The following FAF1 variants were observed in gnomAD, a reference collection of about 807,000 sequenced individuals.
FAF1 encodes the protein Fas associated factor 1.
FAF1 carries 25 observed loss-of-function variants against 92.5 expected under a neutral mutation model. The observed-to-expected ratio is 0.27, with a 90% CI of 0.20 to 0.38. The LOEUF (loss-of-function observed/expected upper bound fraction) is 0.38, where lower values mean the gene tolerates loss of function less well. FAF1 is among the 10% of genes least tolerant of loss of function. FAF1 has a pLI of 1.00. For missense variants in FAF1, 636 were observed against 793.3 expected, an observed-to-expected ratio of 0.80 and a Z score of 2.38; for synonymous variants, 234 against 273.2, an observed-to-expected ratio of 0.86 and a Z score of 1.42.
intron 2 of FAF1, among the ~76,000 whole-genome samples, chr1:50,826,317 G>A (rs1057335021): frequency 6.6e-6 from 1 of 152,016 alleles, no homozygotes; most frequent in Non-Finnish European, 1.5e-5. Flanking sequence ...TTTGGAGGCT[G>A]AAGCGGGTGG....
chr1:50,543,337 C>T (rs943929562), intron 13 of FAF1, among the ~76,000 whole-genome samples: 3 of 152,108 alleles, frequency 2.0e-5, no homozygotes, highest in Non-Finnish European at 4.4e-5. Context: ...GCCTACCTAC[C>T]GTATACCAGG....
At position 50,910,427 on chromosome 1, in the gene FAF1, G is replaced by A. The variant is rs529856339; in HGVS notation, c.45+49340C>T. On this transcript the variant is annotated intron_variant, in intron 1 of 18. Transcript: ENST00000396153. ...CTCTTCAAAGCTGTCAGACAGGGAA[G>A]TTTAAGTCTGCAGAAGTTTCTGATG... Among the ~76,000 whole-genome samples, 4 of 152,300 alleles carry A rather than the reference G, an allele frequency of 2.6e-5. No homozygotes were observed. The East Asian group carries it at 7.7e-4, about 29-fold the overall frequency.
intron 1 of FAF1, among the ~76,000 whole-genome samples, chr1:50,886,259 G>A (rs1030283429): frequency 7.9e-5 from 12 of 152,116 alleles, no homozygotes; most frequent in Non-Finnish European, 1.8e-4. Flanking sequence ...ACTTCTTGTA[G>A]GACAGGTCTG....
chr1:50,892,568 G>A (rs1644728652), intron 1 of FAF1, among the ~76,000 whole-genome samples: 1 of 152,204 alleles, frequency 6.6e-6, no homozygotes, highest in South Asian at 2.1e-4. Flanking sequence ...TGCCAGACAT[G>A]CTGGAGCTCC....
chr1:50,851,353 G>A (rs992003519), intron 2 of FAF1, among the ~76,000 whole-genome samples: 2 of 152,292 alleles, frequency 1.3e-5, no homozygotes, highest in East Asian at 1.9e-4. Flanking sequence ...GCCTATAGGC[G>A]TGAGCCACTG....
At chr1:50,759,200 G>T (rs141935515) in intron 4 of FAF1, among the ~76,000 whole-genome samples, 10,069 of 151,684 alleles carry the variant, frequency 0.066, 411 homozygotes, top group East Asian at 0.092. Flanking sequence ...TGCACAATGT[G>T]CAGGTTAGTT....
At chr1:50,926,173 C>T (rs12095997) in intron 1 of FAF1, among the ~76,000 whole-genome samples, 17,708 of 152,106 alleles carry the variant, frequency 0.12, 1,259 homozygotes, top group African/African-American at 0.2. Context: ...CATATGATCA[C>T]ACTACTGCAC....
At chr1:50,787,829 T>G (rs72690491) in intron 4 of FAF1, among the ~76,000 whole-genome samples, 171 bp downstream of exon 4, 2,966 of 152,238 alleles carry the variant, frequency 0.019, 50 homozygotes, top group Non-Finnish European at 0.032. Flanking sequence ...TACCTCAATC[T>G]CAACACAGTA....
intron 1 of FAF1, among the ~76,000 whole-genome samples, chr1:50,932,449 T>TA (rs1220118196): frequency 3.3e-5 from 5 of 152,198 alleles, no homozygotes; most frequent in African/African-American, 1.2e-4. Context: ...GCGGGGCAGT[T>TA]AAATTTTAAA....
intron 7 of FAF1, among the ~76,000 whole-genome samples, chr1:50,667,465 G>A (rs546431234): frequency 1.3e-5 from 2 of 152,236 alleles, no homozygotes; most frequent in East Asian, 1.9e-4. Context: ...TTTTGATCTG[G>A]ACAAGTGAAA....
chr1:50,878,855 TCA>T, intron 1 of FAF1, among the ~76,000 whole-genome samples: 1 of 152,318 alleles, frequency 6.6e-6, no homozygotes, highest in Non-Finnish European at 1.5e-5. Flanking sequence ...GAGCCCAGAA[TCA>T]CAGTGTTAGC....
chr1:50,791,188 G>A (rs1661550264), intron 3 of FAF1, among the ~76,000 whole-genome samples: 1 of 152,172 alleles, frequency 6.6e-6, no homozygotes, highest in Non-Finnish European at 1.5e-5. Flanking sequence ...CCAAAGGCAG[G>A]AAAGAATGCC....
At chr1:50,884,289 T>C (rs1644638607) in intron 1 of FAF1, among the ~76,000 whole-genome samples, 1 of 151,494 alleles carries the variant, frequency 6.6e-6, no homozygotes, top group Non-Finnish European at 1.5e-5. Context: ...CCGAGGCGGA[T>C]GGATCACTTG....
intron 4 of FAF1, among the ~76,000 whole-genome samples, chr1:50,768,779 T>C (rs1660671522): frequency 6.6e-6 from 1 of 152,026 alleles, no homozygotes; most frequent in African/African-American, 2.4e-5. Flanking sequence ...GGACACAGCT[T>C]AAGCAGTGTT....
chr1:50,543,690 T>C (rs893171356), intron 13 of FAF1, among the ~76,000 whole-genome samples: 1 of 152,082 alleles, frequency 6.6e-6, no homozygotes, highest in South Asian at 2.1e-4. Flanking sequence ...GCCAGCTCTA[T>C]GAGACTTTAT....
chr1:50,719,004 T>C (rs1658301688), intron 6 of FAF1, among the ~76,000 whole-genome samples: 1 of 152,248 alleles, frequency 6.6e-6, no homozygotes, highest in Non-Finnish European at 1.5e-5. Flanking sequence ...ATGTAATGTT[T>C]GTTGTAGCTA....
At chr1:50,475,078 A>G (rs1033320965) in intron 18 of FAF1, among the ~76,000 whole-genome samples, 2 of 152,230 alleles carry the variant, frequency 1.3e-5, no homozygotes, top group Admixed American at 1.3e-4. Flanking sequence ...TTCTTAGTGA[A>G]CCTACATTCA....
intron 8 of FAF1, among the ~76,000 whole-genome samples, chr1:50,645,849 G>GA (rs1165202941): frequency 6.6e-6 from 1 of 151,046 alleles, no homozygotes; most frequent in African/African-American, 2.4e-5. Context: ...AAAAAAGGAA[G>GA]AAAAAAAATA....
At chr1:50,496,001 A>G (rs1425613255) in intron 15 of FAF1, among the ~76,000 whole-genome samples, 1 of 152,170 alleles carries the variant, frequency 6.6e-6, no homozygotes, top group Non-Finnish European at 1.5e-5. Context: ...TAAAAATAAA[A>G]TATTTTATGA....
Sources: gnomAD v4.1 joint callset for allele counts (sites outside exome capture counted in the v4.1 genomes callset) on GRCh38, gnomAD v4.1.1 for gene constraint, MANE v1.5 for transcripts, NCBI Gene and HGNC (gene_info 2026-07-23, HGNC 2026-07-21) for gene names.